The following ADAMTSL1 variants were observed in gnomAD, a reference collection of about 807,000 sequenced individuals.
The protein encoded by ADAMTSL1 is ADAMTS-like protein 1.
A neutral mutation model predicts 201.8 loss-of-function variants in ADAMTSL1; 126 were observed. The ratio of observed to expected loss-of-function variants is 0.62; its 90% CI spans 0.54 to 0.72. The LOEUF is 0.72. ADAMTSL1 is among the 30% of genes least tolerant of loss of function. The pLI, the probability that ADAMTSL1 is intolerant of heterozygous loss-of-function variation, is 0.00. For missense variants in ADAMTSL1, 2,679 were observed against 2,277.8 expected, an observed-to-expected ratio of 1.18 and a Z score of -3.59; for synonymous variants, 1,121 against 903.4, an observed-to-expected ratio of 1.24 and a Z score of -4.32.
At chr9:17,943,427 C>T (rs1054337608) in intron 1 of ADAMTSL1, among the ~76,000 whole-genome samples, 4 of 152,068 alleles carry the variant, frequency 2.6e-5, no homozygotes, top group Admixed American at 6.6e-5. Context: ...CTCACCTTAT[C>T]GCAGGTCAAG....
upstream of ADAMTSL1, among the ~76,000 whole-genome samples, chr9:18,472,786 G>A (rs547832267): frequency 4.6e-5 from 7 of 152,250 alleles, no homozygotes; most frequent in East Asian, 1.3e-3. Flanking sequence ...TATATTTCTG[G>A]GCTATCAGGA....
chr9:18,691,693 CTA>C (rs1281453020), intron 13 of ADAMTSL1, among the ~76,000 whole-genome samples: 9 of 152,130 alleles, frequency 5.9e-5, no homozygotes, highest in African/African-American at 1.9e-4. Flanking sequence ...TGCACAGTGA[CTA>C]AAAGTGTGGG....
chr9:18,581,272 A>G (rs1436232665), intron 4 of ADAMTSL1, among the ~76,000 whole-genome samples: 1 of 152,178 alleles, frequency 6.6e-6, no homozygotes, highest in Admixed American at 6.5e-5. Flanking sequence ...GACAGCAATC[A>G]TATTAAATTG....
chr9:18,311,076 CCAT>C lies in ADAMTSL1; in HGVS notation c.207+147099_207+147101del, dbSNP rs550165217. On this transcript the variant is annotated intron_variant, in intron 2 of 29. Coordinates refer to the ADAMTSL1 transcript ENST00000680146. ...GTAGGGACATGGATGAAGCTGGAAACCATCATTCTCAGCAAAGTAACACAGGAA... is the reference window on the plus strand; with the variant it reads ...GTAGGGACATGGATGAAGCTGGAAACCATTCTCAGCAAAGTAACACAGGAA... Among the ~76,000 whole-genome samples, 544 of 152,106 alleles carry C rather than the reference CCAT, an allele frequency of 3.6e-3. 4 individuals are homozygous for C. The highest frequency in any genetic ancestry group is 0.012 in the African/African-American group (498 of 41,498).
intron 3 of ADAMTSL1, among the ~76,000 whole-genome samples, chr9:18,556,689 A>C (rs527668840): frequency 9.2e-5 from 14 of 152,152 alleles, no homozygotes; most frequent in Admixed American, 7.2e-4. Flanking sequence ...CAAACTAAGA[A>C]GTATGAGCAC....
At chr9:18,524,774 A>AATCCC in intron 2 of ADAMTSL1, among the ~76,000 whole-genome samples, 1 of 152,182 alleles carries the variant, frequency 6.6e-6, no homozygotes, top group Admixed American at 6.5e-5. Flanking sequence ...ACCAGCCTTG[A>AATCCC]ATCCCAGGGA....
At chr9:18,436,021 C>T (rs184969308) in intron 2 of ADAMTSL1, among the ~76,000 whole-genome samples, 2 of 152,164 alleles carry the variant, frequency 1.3e-5, no homozygotes, top group South Asian at 2.1e-4. Context: ...AGTAGGTAAA[C>T]GTGTTTAAAC....
At chr9:18,535,570 A>T (rs2132120484) in intron 3 of ADAMTSL1, among the ~76,000 whole-genome samples, 1 of 151,712 alleles carries the variant, frequency 6.6e-6, no homozygotes. Flanking sequence ...GCAGCACCCC[A>T]CTCCTGATAC....
intron 2 of ADAMTSL1, among the ~76,000 whole-genome samples, chr9:18,372,993 G>A (rs1277077742): frequency 2.0e-5 from 3 of 152,202 alleles, no homozygotes; most frequent in Non-Finnish European, 1.5e-5. Context: ...TAAAGTGAGA[G>A]TGAGGCTGGT....
At chr9:18,474,592 T>C (rs1821359339) in intron 1 of ADAMTSL1, among the ~76,000 whole-genome samples, 1 of 152,132 alleles carries the variant, frequency 6.6e-6, no homozygotes, top group South Asian at 2.1e-4. Context: ...GAGGACTGTA[T>C]ATATGGTGGT....
At chr9:18,213,634 G>C (rs1435882347) in intron 2 of ADAMTSL1, among the ~76,000 whole-genome samples, 1 of 152,190 alleles carries the variant, frequency 6.6e-6, no homozygotes, top group Non-Finnish European at 1.5e-5. Flanking sequence ...CTATTTCTTT[G>C]ATATATCTCT....
At chr9:18,233,236 T>C (rs1830711826) in intron 2 of ADAMTSL1, among the ~76,000 whole-genome samples, 1 of 152,260 alleles carries the variant, frequency 6.6e-6, no homozygotes, top group Admixed American at 6.5e-5. Context: ...CTATGTATTA[T>C]TAATTTTAAA....
At chr9:18,329,112 T>C (rs1834936452) in intron 2 of ADAMTSL1, among the ~76,000 whole-genome samples, 1 of 152,064 alleles carries the variant, frequency 6.6e-6, no homozygotes. Context: ...AGAGCCCTCA[T>C]GAATGGGATT....
At chr9:18,619,858 C>CACAT in intron 4 of ADAMTSL1, among the ~76,000 whole-genome samples, 1 of 152,090 alleles carries the variant, frequency 6.6e-6, no homozygotes, top group Admixed American at 6.5e-5. Flanking sequence ...GCTGTCCTTC[C>CACAT]ACATGGTCAA....
chr9:18,436,952 C>A (rs1819763090), intron 2 of ADAMTSL1, among the ~76,000 whole-genome samples: 1 of 152,102 alleles, frequency 6.6e-6, no homozygotes, highest in Non-Finnish European at 1.5e-5. Context: ...TGTAGCCAAC[C>A]CTAACAGACA....
chr9:18,536,666 G>T (rs117468214), intron 3 of ADAMTSL1, among the ~76,000 whole-genome samples: 487 of 152,184 alleles, frequency 3.2e-3, no homozygotes, highest in Admixed American at 4.6e-3. Context: ...ACAGTTCCCT[G>T]CTCTATTCTA....
chr9:18,283,565 C>G (rs1291764968), intron 2 of ADAMTSL1, among the ~76,000 whole-genome samples: 2 of 136,880 alleles, frequency 1.5e-5, no homozygotes. Flanking sequence ...ATGATTGCAC[C>G]ACTGCAAACC....
chr9:18,531,475 T>G (rs969042734), intron 2 of ADAMTSL1, among the ~76,000 whole-genome samples: 2 of 152,208 alleles, frequency 1.3e-5, no homozygotes, highest in African/African-American at 2.4e-5. Flanking sequence ...GTCATGCTCC[T>G]TATTTCTATG....
chr9:17,993,358 T>C (rs1461543827), intron 1 of ADAMTSL1, among the ~76,000 whole-genome samples: 1 of 152,184 alleles, frequency 6.6e-6, no homozygotes, highest in Non-Finnish European at 1.5e-5. Context: ...ACATATGTTT[T>C]CTGAGAATAA....
Sources: gnomAD v4.1 joint callset for allele counts (sites outside exome capture counted in the v4.1 genomes callset) on GRCh38, gnomAD v4.1.1 for gene constraint, MANE v1.5 for transcripts, NCBI Gene and HGNC (gene_info 2026-07-23, HGNC 2026-07-21) for gene names.